Variants in PTBP1 observed in about 807,000 individuals in gnomAD.
PTBP1 encodes polypyrimidine tract-binding protein 1.
Under a neutral mutation model 59.8 loss-of-function variants are expected in PTBP1, and 8 were observed. The observed-to-expected ratio is 0.13, with a 90% CI of 0.08 to 0.24. The LOEUF is 0.24. Ranked by LOEUF, PTBP1 falls within the 10% of genes least tolerant of loss-of-function variation. PTBP1 has a pLI of 1.00. For synonymous variants in PTBP1, 490 were observed against 320.7 expected (o/e 1.53, Z -5.64); for missense variants, 686 against 767.0 (o/e 0.89, Z 1.25).
At chr19:806,892 C>T in intron 10 of PTBP1, 1 of 218,992 alleles carries the variant, frequency 4.6e-6, no homozygotes, top group Non-Finnish European at 9.0e-6. Context: ...GCGGGACACA[C>T]AGGGTTAGCG....
intron 10 of PTBP1, 162 bp downstream of exon 10, chr19:806,718 G>A (rs1291594243): frequency 1.2e-5 from 7 of 589,452 alleles, no homozygotes; most frequent in Non-Finnish European, 1.6e-5. Context: ...TTTCCAAGAT[G>A]GCTTGAGTTT....
intron 9 of PTBP1, chr19:806,185 C>G (rs922488875): frequency 4.6e-5 from 22 of 473,544 alleles, no homozygotes; most frequent in Non-Finnish European, 8.1e-5. Context: ...AGCCCAGGCC[C>G]GGCCCGGCCC....
chr19:799,142 G>T lies in PTBP1; in HGVS notation c.9-271G>T, dbSNP rs367945376. ...GGGGTGTCTTTGTCTTGGAACGTGT[G>T]GGGCCTGGTCCAGAGGTGGGGCCTG... is the stretch of plus-strand genomic sequence containing the variant. On this transcript the variant is annotated intron_variant, in intron 1 of 14. Coordinates refer to ENST00000356948, the MANE Select transcript of PTBP1 (RefSeq NM_002819.5). Among the ~76,000 whole-genome samples the T allele has an allele frequency of 3.0e-4, 45 of 152,356 alleles. 1 individual carries two copies. The South Asian group carries it at 9.3e-3, about 32-fold the overall frequency.
In PTBP1 at chr19:812,279, G is replaced by A. The variant is rs1246308666; in HGVS notation, c.*1453G>A. On this transcript the variant is annotated 3_prime_UTR_variant, in exon 15 of 15. Transcript: ENST00000356948. ...GCTGTAGAGGCAGGTTGGCCAGTCTGTACCTGGACTTCGAATAAATCTTCT... is the reference window on the plus strand; with the variant it reads ...GCTGTAGAGGCAGGTTGGCCAGTCTATACCTGGACTTCGAATAAATCTTCT... 2 of 154,904 alleles carry A rather than the reference G, an allele frequency of 1.3e-5. No individual in the cohort carries two copies. Among genetic ancestry groups the A allele is most frequent in the Non-Finnish European group, 1.4e-5 (1 of 70,452 alleles). 9.6% of individuals were successfully genotyped at this position (154,904 alleles called of 1,614,324 possible). A position where few individuals can be genotyped will look rare whatever the true frequency, so the allele number is the denominator to read the frequency against.
intron 9 of PTBP1, 107 bp from the exon 10 acceptor site, chr19:806,301 C>T: frequency 7.7e-7 from 1 of 1,295,480 alleles, no homozygotes; most frequent in Admixed American, 3.5e-5. Context: ...AGGGCCGCCT[C>T]CCGCGCGGCT....
intron 1 of PTBP1, among the ~76,000 whole-genome samples, chr19:798,979 T>TA (rs1462701766): frequency 2.1e-4 from 32 of 152,228 alleles, no homozygotes; most frequent in Non-Finnish European, 4.1e-4. Context: ...GGCCCACCCC[T>TA]ACCCGGGTGG....
intron 2 of PTBP1, among the ~76,000 whole-genome samples, chr19:800,771 C>T (rs1045647870): frequency 2.6e-5 from 4 of 152,192 alleles, no homozygotes; most frequent in African/African-American, 9.7e-5. Flanking sequence ...GTCTGGCTTG[C>T]AGGCAGTCGT....
rs761713061 is a variant in PTBP1, at chr19:808,187, A to C, written c.1154-173A>C. 1 of 659,454 alleles carries C rather than the reference A, an allele frequency of 1.5e-6. No individual in the cohort carries two copies. The highest frequency in any genetic ancestry group is 2.7e-6 in the Non-Finnish European group (1 of 370,844). The allele number at this position is 659,454 out of a possible 1,614,324, so 40.9% of individuals were successfully genotyped here. Reference sequence around the variant, plus strand: ...TGGATGCTATGACTTTGCTGAACGGAGCTGCTCCTGTTAGCGCGCCCTGTG... The same window carrying C: ...TGGATGCTATGACTTTGCTGAACGGCGCTGCTCCTGTTAGCGCGCCCTGTG... On this transcript the variant is annotated intron_variant, in intron 11 of 14. Transcript: ENST00000356948. This position sits in a 1 kb window ranked among gnomAD's most constrained non-coding sequence, Gnocchi z 4.7.
chr19:800,855 T>C (rs1203857711), intron 2 of PTBP1, among the ~76,000 whole-genome samples: 3 of 152,082 alleles, frequency 2.0e-5, no homozygotes, highest in Non-Finnish European at 4.4e-5. Flanking sequence ...CCTTGAGCCC[T>C]CCTCTGCAGT....
chr19:804,257 C>T lies in PTBP1; in HGVS notation c.289-35C>T, dbSNP rs927449898. 30 of 1,611,510 alleles carry T rather than the reference C, an allele frequency of 1.9e-5. No homozygotes were observed. In the African/African-American group the frequency reaches 2.4e-4, roughly 13 times the overall value. On this transcript the variant is annotated intron_variant, in intron 4 of 14. Transcript: ENST00000356948. ...GGTGCTCACACCGTGCAGGCGGGGA[C>T]GAGGAGGGCCCAGCGCTCACTGCCT...
chr19:797,977 C>A (rs1174178464), intron 1 of PTBP1, among the ~76,000 whole-genome samples: 1 of 149,750 alleles, frequency 6.7e-6, no homozygotes, highest in African/African-American at 2.4e-5. Flanking sequence ...CCTTTCCCGC[C>A]GCCCGGACTC....
rs368949808 is a variant in PTBP1 at position 807,651 on chromosome 19, CAA to C, written c.1120-214_1120-213del. The C allele has an allele frequency of 9.4e-4, 466 of 493,284 alleles. 3 individuals are homozygous for C. The highest frequency in any genetic ancestry group is 3.1e-3 in the Middle Eastern group (6 of 1,950). The allele number at this position is 493,284 out of a possible 1,614,324, so 30.6% of individuals were successfully genotyped here. On this transcript the variant is annotated intron_variant, in intron 10 of 14. Coordinates refer to ENST00000356948, the MANE Select transcript of PTBP1 (RefSeq NM_002819.5). ...CTTCCTGTTGTTGCTTGAAACAAAA[CAA>C]AAACATAAACAAATAAAAAACAAAA...
At chr19:807,777 C>T in intron 10 of PTBP1, 92 bp from the exon 11 acceptor site, 1 of 959,428 alleles carries the variant, frequency 1.0e-6, no homozygotes, top group Non-Finnish European at 1.7e-6. Context: ...CCTGCGGGGA[C>T]TGTCTTCCTC....
chr19:804,867 C>T lies in PTBP1; in HGVS notation c.645C>T (p.Thr215=), dbSNP rs2034491346. ...SKFGTVLKII[T]FTKNNQFQAL... is the part of the protein sequence containing the mutation. Reference sequence around the variant, plus strand: ...TCGGCACAGTGTTGAAGATCATCACCTTCACCAAGAACAACCAGTTCCAGG... The same window carrying T: ...TCGGCACAGTGTTGAAGATCATCACTTTCACCAAGAACAACCAGTTCCAGG... Residue 215 remains threonine, a synonymous_variant, in exon 7 of 15, where the codon ACC becomes ACT. Coordinates refer to ENST00000356948, the MANE Select transcript of PTBP1 (RefSeq NM_002819.5). 6.2e-7 allele frequency: 1 copy of T among 1,614,030 alleles called. No homozygotes were observed. Among genetic ancestry groups the T allele is most frequent in the Non-Finnish European group, 8.5e-7 (1 of 1,179,928 alleles).
intron 13 of PTBP1, among the ~76,000 whole-genome samples, chr19:809,948 C>T (rs969031570): frequency 6.6e-6 from 1 of 152,100 alleles, no homozygotes. Context: ...ACATCTGGCC[C>T]CAAGCATGTC....
chr19:807,809 C>T (rs1198862965), intron 10 of PTBP1, 60 bp from the exon 11 acceptor site: 1 of 1,391,954 alleles, frequency 7.2e-7, no homozygotes, highest in Non-Finnish European at 1.0e-6. Flanking sequence ...TGGCAACTCG[C>T]CCCCCTTGAC....
intron 2 of PTBP1, among the ~76,000 whole-genome samples, chr19:801,286 G>T (rs2034321893): frequency 6.6e-6 from 1 of 152,220 alleles, no homozygotes; most frequent in Non-Finnish European, 1.5e-5. Context: ...CGTGTCTCCT[G>T]GTTGCTGCCC....
chr19:809,768 C>A (rs889123923), intron 13 of PTBP1, among the ~76,000 whole-genome samples: 1 of 152,114 alleles, frequency 6.6e-6, no homozygotes, highest in African/African-American at 2.4e-5. Flanking sequence ...GTGGTGTGCA[C>A]GTCAGGTCCC....
chr19:808,344 C>T lies in PTBP1; in HGVS notation c.1154-16C>T, dbSNP rs538771906. On this transcript the variant is annotated splice_polypyrimidine_tract_variant and intron_variant, in intron 11 of 14. Coordinates refer to ENST00000356948, the MANE Select transcript of PTBP1 (RefSeq NM_002819.5). This position sits in a 1 kb window ranked among gnomAD's most constrained non-coding sequence, Gnocchi z 4.7. The stretch of plus-strand genomic sequence containing the variant: ...AGGCAGCAGGAGACTCAGGCCCCAT[C>T]CCTGGGCTTTTGAAGGCGTCTACGG... The T allele has an allele frequency of 7.0e-6, 11 of 1,577,596 alleles. No homozygotes were observed. In the South Asian group the frequency reaches 8.0e-5, roughly 12 times the overall value.
Sources: allele counts gnomAD v4.1 joint callset (sites outside exome capture counted in the v4.1 genomes callset), GRCh38; gene constraint gnomAD v4.1.1; non-coding constraint Gnocchi (gnomAD v3.1); transcripts MANE v1.5; gene names NCBI Gene and HGNC (gene_info 2026-07-23, HGNC 2026-07-21).